BLOC1S6: variants seen among roughly 807,000 people sequenced by gnomAD.
BLOC1S6 encodes the protein biogenesis of lysosome-related organelles complex 1 subunit 6.
A neutral mutation model predicts 24.7 loss-of-function variants in BLOC1S6; 24 were observed. The observed-to-expected ratio is 0.97, with a 90% CI of 0.70 to 1.37. The LOEUF is 1.37. BLOC1S6 is among the 40% of genes most tolerant of loss of function. The pLI, the probability that BLOC1S6 is intolerant of heterozygous loss-of-function variation, is 0.00. For synonymous variants in BLOC1S6, 76 were observed against 72.6 expected (o/e 1.05, Z -0.23); for missense variants, 175 against 196.2 (o/e 0.89, Z 0.64).
intron 1 of BLOC1S6, among the ~76,000 whole-genome samples, chr15:45,591,403 C>T (rs1893878793): frequency 6.6e-6 from 1 of 152,120 alleles, no homozygotes; most frequent in African/African-American, 2.4e-5. Flanking sequence ...ACGTTTTGGC[C>T]TCAGGCTCCT....
intron 2 of BLOC1S6, among the ~76,000 whole-genome samples, chr15:45,596,126 C>T (rs905849154): frequency 1.3e-5 from 2 of 151,282 alleles, no homozygotes; most frequent in Non-Finnish European, 2.9e-5. Flanking sequence ...TTTGTGGAGG[C>T]TTGTAAGGTC....
At chr15:45,600,715 G>A (rs1894242227) in intron 2 of BLOC1S6, among the ~76,000 whole-genome samples, 1 of 152,146 alleles carries the variant, frequency 6.6e-6, no homozygotes, top group Admixed American at 6.5e-5. Flanking sequence ...CTAATATTTT[G>A]TTGAGGAGTT....
Position 45,587,451 on chromosome 15 carries a change from T to C in BLOC1S6, c.8T>C (p.Val3Ala). MS[V>A]PGPSSPDGAL... ...GTTCCCAGCTGGAGGGACATGAGTG[T>C]CCCTGGGCCGTCGTCTCCGGACGGG... is the stretch of plus-strand genomic sequence containing the variant. The change falls in exon 1 of 5, where the codon GTC becomes GCC. Residue 3 changes from valine to alanine, a missense_variant. Coordinates refer to ENST00000220531, the MANE Select transcript of BLOC1S6 (RefSeq NM_012388.4). 1.9e-6 allele frequency: 3 copies of C among 1,578,846 alleles called. No individual in the cohort carries two copies. The highest frequency in any genetic ancestry group is 2.6e-6 in the Non-Finnish European group (3 of 1,161,692).
At chr15:45,595,255 T>C (rs1459663391) in intron 2 of BLOC1S6, among the ~76,000 whole-genome samples, 2 of 152,218 alleles carry the variant, frequency 1.3e-5, no homozygotes, top group African/African-American at 4.8e-5. Flanking sequence ...TTATTTTTCA[T>C]TAGCCTCCCA....
At chr15:45,590,390 C>T (rs568019572) in intron 1 of BLOC1S6, among the ~76,000 whole-genome samples, 2 of 149,880 alleles carry the variant, frequency 1.3e-5, no homozygotes, top group South Asian at 4.2e-4. Context: ...AATATGATAG[C>T]ATGTTGTTTT....
chr15:45,594,618 C>T (rs187664098), intron 2 of BLOC1S6, among the ~76,000 whole-genome samples: 3 of 152,200 alleles, frequency 2.0e-5, no homozygotes, highest in Admixed American at 6.5e-5. Flanking sequence ...GAGTCTCATT[C>T]TGTCATCCAG....
chr15:45,593,462 G>T (rs878920748), intron 2 of BLOC1S6, among the ~76,000 whole-genome samples: 42 of 151,596 alleles, frequency 2.8e-4, no homozygotes, highest in Admixed American at 2.7e-3. Context: ...TAGGGAGTTG[G>T]CAACCTTCTC....
intron 3 of BLOC1S6, 28 bp from the exon 4 acceptor site, chr15:45,605,400 G>A (rs1044157657): frequency 2.0e-6 from 3 of 1,532,710 alleles, no homozygotes; most frequent in African/African-American, 2.7e-5. Flanking sequence ...ATTTTAACTT[G>A]ACTTTTCATT....
chr15:45,589,701 TC>T (rs1467093607), intron 1 of BLOC1S6, among the ~76,000 whole-genome samples: 1 of 152,244 alleles, frequency 6.6e-6, no homozygotes, highest in Admixed American at 6.5e-5. Context: ...AGCAAACCTT[TC>T]TCGTATGAAT....
chr15:45,595,755 A>G (rs1192764819), intron 2 of BLOC1S6, among the ~76,000 whole-genome samples: 1 of 152,204 alleles, frequency 6.6e-6, no homozygotes, highest in Non-Finnish European at 1.5e-5. Context: ...GTTTTCTTCT[A>G]GAAGTTCTAG....
At chr15:45,595,682 G>T (rs976328271) in intron 2 of BLOC1S6, among the ~76,000 whole-genome samples, 1 of 151,842 alleles carries the variant, frequency 6.6e-6, no homozygotes, top group African/African-American at 2.4e-5. Flanking sequence ...TTTATGAATT[G>T]TGCTTTTGGT....
At chr15:45,593,862 T>A (rs1420953107) in intron 2 of BLOC1S6, among the ~76,000 whole-genome samples, 1 of 152,156 alleles carries the variant, frequency 6.6e-6, no homozygotes, top group African/African-American at 2.4e-5. Context: ...ATTATCCTTA[T>A]TTACAATTGA....
At chr15:45,587,308 C>A, upstream of BLOC1S6, 1 of 833,738 alleles carries the variant, frequency 1.2e-6, no homozygotes, top group Non-Finnish European at 2.0e-6. Context: ...TGATCGAAGC[C>A]CGCAGTTTTT....
At chr15:45,601,882 A>C (rs570277316) in intron 2 of BLOC1S6, among the ~76,000 whole-genome samples, 2 of 151,580 alleles carry the variant, frequency 1.3e-5, no homozygotes, top group Non-Finnish European at 2.9e-5. Flanking sequence ...TTATTTATTT[A>C]TTTATTTATA....
upstream of BLOC1S6, chr15:45,587,190 A>T (rs1893701394): frequency 8.9e-6 from 5 of 559,474 alleles, no homozygotes; most frequent in Admixed American, 9.0e-5. Flanking sequence ...GATCGCAGGG[A>T]CTCGAGCCCC....
At chr15:45,603,380 A>T (rs984949810) in intron 3 of BLOC1S6, among the ~76,000 whole-genome samples, 193 bp downstream of exon 3, 1 of 152,192 alleles carries the variant, frequency 6.6e-6, no homozygotes, top group Non-Finnish European at 1.5e-5. Context: ...TTATTTGTGC[A>T]TTTGGAATAG....
intron 1 of BLOC1S6, chr15:45,591,930 C>A: frequency 1.7e-6 from 1 of 573,070 alleles, no homozygotes; most frequent in Non-Finnish European, 3.0e-6. Context: ...GGGCTCCTTT[C>A]TACCTGCTAC....
At chr15:45,601,386 C>A (rs1894264318) in intron 2 of BLOC1S6, 1 of 154,280 alleles carries the variant, frequency 6.5e-6, no homozygotes, top group African/African-American at 2.4e-5. Flanking sequence ...CCGTTTGGTC[C>A]CGGTACTGTC....
At chr15:45,603,238 G>T in intron 3 of BLOC1S6, 51 bp downstream of exon 3, 1 of 1,224,318 alleles carries the variant, frequency 8.2e-7, no homozygotes, top group Non-Finnish European at 1.2e-6. Flanking sequence ...CTTAGCAATA[G>T]CTAAGACTTA....
Sources: gnomAD v4.1 joint callset for allele counts (sites outside exome capture counted in the v4.1 genomes callset) on GRCh38, gnomAD v4.1.1 for gene constraint, MANE v1.5 for transcripts, NCBI Gene and HGNC (gene_info 2026-07-23, HGNC 2026-07-21) for gene names.